COBL: variants seen among roughly 807,000 people sequenced by gnomAD.
COBL encodes the protein cordon-bleu WH2 repeat protein.
COBL carries 51 observed loss-of-function variants against 98.8 expected under a neutral mutation model. The observed-to-expected ratio is 0.52, with a 90% CI of 0.41 to 0.65. COBL has a LOEUF of 0.65. Among genes scored for constraint, COBL ranks in the 30% least tolerant of loss-of-function variants. The pLI is 0.00. For synonymous variants in COBL, 634 were observed against 651.7 expected (o/e 0.97, Z 0.41); for missense variants, 1,617 against 1,617.5 (o/e 1.00, Z 0.01).
chr7:51,172,083 T>C (rs1787923956), intron 5 of COBL, among the ~76,000 whole-genome samples: 1 of 152,220 alleles, frequency 6.6e-6, no homozygotes, highest in African/African-American at 2.4e-5. Context: ...AAAGGCTCCG[T>C]GAACAGAGCG....
chr7:51,142,797 T>C (rs997668622), intron 5 of COBL, among the ~76,000 whole-genome samples: 4 of 152,214 alleles, frequency 2.6e-5, no homozygotes, highest in Non-Finnish European at 4.4e-5. Context: ...ATGTTTAGAA[T>C]GCTTAACAAT....
chr7:51,266,986 G>A (rs900018954), intron 1 of COBL, among the ~76,000 whole-genome samples: 3 of 152,008 alleles, frequency 2.0e-5, no homozygotes, highest in Non-Finnish European at 4.4e-5. Context: ...ATATAACATT[G>A]TATCATGGTC....
chr7:51,202,503 G>C (rs1031933334), intron 2 of COBL, among the ~76,000 whole-genome samples: 2 of 152,058 alleles, frequency 1.3e-5, no homozygotes, highest in African/African-American at 4.8e-5. Context: ...ACTTTAGTAC[G>C]ATCTGTGGTT....
intron 2 of COBL, among the ~76,000 whole-genome samples, chr7:51,203,375 T>A (rs1440892504): frequency 7.3e-4 from 86 of 118,312 alleles, no homozygotes; most frequent in African/African-American, 1.1e-3. Flanking sequence ...GGCAGGAGAA[T>A]GGCGTGAACC....
At chr7:51,230,703 G>C (rs1794661489) in intron 1 of COBL, among the ~76,000 whole-genome samples, 1 of 152,228 alleles carries the variant, frequency 6.6e-6, no homozygotes. Flanking sequence ...AAACACGTTA[G>C]TGGTCCCTCT....
chr7:51,187,853 C>A, intron 4 of COBL: 1 of 1,177,666 alleles, frequency 8.5e-7, no homozygotes, highest in South Asian at 4.3e-5. Context: ...GCAGCTCTGA[C>A]CCCAGAGCCA....
intron 1 of COBL, among the ~76,000 whole-genome samples, chr7:51,315,798 A>G (rs2129226361): frequency 6.6e-6 from 1 of 152,114 alleles, no homozygotes; most frequent in Non-Finnish European, 1.5e-5. Flanking sequence ...TCTTTCTGAG[A>G]GTCAAATCCT....
At chr7:51,157,271 G>A (rs969597643) in intron 5 of COBL, among the ~76,000 whole-genome samples, 1 of 152,242 alleles carries the variant, frequency 6.6e-6, no homozygotes, top group Non-Finnish European at 1.5e-5. Context: ...TACCTGGGAG[G>A]CTGAGGCAGG....
At chr7:51,055,637 G>A (rs1330843824) in intron 7 of COBL, among the ~76,000 whole-genome samples, 2 of 152,164 alleles carry the variant, frequency 1.3e-5, no homozygotes, top group Admixed American at 6.5e-5. Context: ...GCTGGGGTGG[G>A]CCCAGGGGTG....
chr7:51,049,435 A>G (rs1299888236), intron 7 of COBL, among the ~76,000 whole-genome samples: 3 of 152,242 alleles, frequency 2.0e-5, no homozygotes, highest in Non-Finnish European at 4.4e-5. Flanking sequence ...CATGAATTCC[A>G]GGAAAGAATA....
chr7:51,258,163 C>CTAT (rs1419388678), intron 1 of COBL, among the ~76,000 whole-genome samples: 1 of 152,018 alleles, frequency 6.6e-6, no homozygotes, highest in East Asian at 1.9e-4. Flanking sequence ...AAAGAACAAG[C>CTAT]TATTATTTAA....
At chr7:51,181,843 C>G (rs1334851887) in intron 5 of COBL, among the ~76,000 whole-genome samples, 6 of 151,234 alleles carry the variant, frequency 4.0e-5, no homozygotes, top group Admixed American at 2.6e-4. Flanking sequence ...ACTGCTGTAT[C>G]GAAATGGTGA....
rs201281315 is a variant in COBL, at chr7:51,193,441, C to T, written c.394G>A (p.Val132Met). ...TLIGTLNVHT[V>M]FLKEKVPEEK... ...TCAGGAACTTTTTCTTTCAGAAACA[C>T]AGTATGCACATTCAGGGTCCCAATC... The change falls in exon 3 of 13, where the codon GTG becomes ATG. Residue 132 changes from valine to methionine, a missense_variant. Around this residue, in one of 3 missense-constraint regions of COBL, gnomAD observed 238 missense variants for 215.0 expected, o/e 1.11. Coordinates refer to ENST00000265136, the MANE Select transcript of COBL (RefSeq NM_015198.5). 6.6e-5 allele frequency: 106 copies of T among 1,614,050 alleles called. No individual in the cohort carries two copies. The highest frequency in any genetic ancestry group is 8.7e-5 in the Non-Finnish European group (103 of 1,180,034).
intron 1 of COBL, among the ~76,000 whole-genome samples, chr7:51,261,066 C>T (rs1425154504): frequency 6.6e-6 from 1 of 152,240 alleles, no homozygotes. Flanking sequence ...CACTGCCTGC[C>T]TTCCTGCTGC....
At chr7:51,213,370 C>T (rs1157793999) in intron 2 of COBL, among the ~76,000 whole-genome samples, 2 of 152,194 alleles carry the variant, frequency 1.3e-5, no homozygotes, top group African/African-American at 4.8e-5. Flanking sequence ...AGAGTCAACC[C>T]TATTGTGAAC....
chr7:51,132,351 A>G (rs957467051), intron 6 of COBL, among the ~76,000 whole-genome samples: 1 of 152,228 alleles, frequency 6.6e-6, no homozygotes, highest in African/African-American at 2.4e-5. Context: ...CTGCTGGCCA[A>G]GCTGGGATCG....
chr7:51,256,267 T>A, intron 1 of COBL, among the ~76,000 whole-genome samples: 1 of 152,234 alleles, frequency 6.6e-6, no homozygotes, highest in Non-Finnish European at 1.5e-5. Flanking sequence ...CTATATATAC[T>A]GTAGCACACT....
chr7:51,165,236 A>G (rs1457598056), intron 5 of COBL, among the ~76,000 whole-genome samples: 1 of 152,102 alleles, frequency 6.6e-6, no homozygotes, highest in African/African-American at 2.4e-5. Flanking sequence ...CACTTCACCT[A>G]TAAAAATACA....
At chr7:51,060,788 GAAGTT>G (rs1791275414) in intron 7 of COBL, among the ~76,000 whole-genome samples, 2 of 152,136 alleles carry the variant, frequency 1.3e-5, no homozygotes, top group Admixed American at 6.5e-5. Flanking sequence ...CACCGAACTG[GAAGTT>G]AAGATGCCAC....
Sources: allele counts gnomAD v4.1 joint callset (sites outside exome capture counted in the v4.1 genomes callset), GRCh38; gene constraint gnomAD v4.1.1; regional missense constraint gnomAD v4.1.1; transcripts MANE v1.5; gene names NCBI Gene and HGNC (gene_info 2026-07-23, HGNC 2026-07-21).